The following SLIT2 variants were observed in gnomAD, a reference collection of about 807,000 sequenced individuals.
SLIT2 encodes slit guidance ligand 2.
SLIT2 carries 41 observed loss-of-function variants against 185.7 expected under a neutral mutation model. The ratio of observed to expected loss-of-function variants is 0.22; its 90% CI spans 0.17 to 0.29. SLIT2 has a LOEUF of 0.29. Among genes scored for constraint, SLIT2 ranks in the 10% least tolerant of loss-of-function variants. The pLI is 1.00. For missense variants in SLIT2, 1,571 were observed against 1,909.0 expected (o/e 0.82, Z 3.30); for synonymous variants, 693 against 680.2 (o/e 1.02, Z -0.29).
intron 16 of SLIT2, among the ~76,000 whole-genome samples, chr4:20,530,580 G>A (rs1322979273): frequency 6.6e-6 from 1 of 152,150 alleles, no homozygotes; most frequent in Non-Finnish European, 1.5e-5. Context: ...ACTGCCCCTG[G>A]CCTAGCACTT....
chr4:20,518,841 C>T (rs898498830), intron 11 of SLIT2, among the ~76,000 whole-genome samples: 3 of 149,856 alleles, frequency 2.0e-5, no homozygotes, highest in South Asian at 2.1e-4. Flanking sequence ...CTCCTGACCT[C>T]GTGATCCGCC....
At chr4:20,401,262 C>T (rs1308615318) in intron 4 of SLIT2, among the ~76,000 whole-genome samples, 3 of 151,866 alleles carry the variant, frequency 2.0e-5, no homozygotes, top group Admixed American at 2.0e-4. Flanking sequence ...GTTGTCTCTC[C>T]ATTCAGTTCT....
intron 4 of SLIT2, among the ~76,000 whole-genome samples, chr4:20,353,656 T>C (rs982364860): frequency 6.6e-6 from 1 of 152,164 alleles, no homozygotes; most frequent in African/African-American, 2.4e-5. Flanking sequence ...GGTAAATACA[T>C]TAGAGGCTTA....
At chr4:20,501,480 C>T (rs1718732852) in intron 9 of SLIT2, among the ~76,000 whole-genome samples, 1 of 151,992 alleles carries the variant, frequency 6.6e-6, no homozygotes, top group Non-Finnish European at 1.5e-5. Context: ...AGTGGGGTTT[C>T]ACCTTGTTGC....
chr4:20,345,024 C>T (rs572928386), intron 4 of SLIT2, among the ~76,000 whole-genome samples: 2 of 152,018 alleles, frequency 1.3e-5, no homozygotes, highest in Non-Finnish European at 2.9e-5. Flanking sequence ...ATTGGTCATA[C>T]CCACCATTAA....
chr4:20,617,370 T>C (rs1300389198), intron 35 of SLIT2, 69 bp from the exon 36 acceptor site: 6 of 1,482,336 alleles, frequency 4.0e-6, no homozygotes, highest in South Asian at 3.5e-5. Context: ...TCCATTCTTA[T>C]ATCACCTCCG....
intron 4 of SLIT2, among the ~76,000 whole-genome samples, chr4:20,278,115 G>A (rs1199896554): frequency 2.0e-5 from 3 of 151,904 alleles, no homozygotes; most frequent in Non-Finnish European, 4.4e-5. Context: ...CAGTTTACAT[G>A]CTGTTAAAGT....
At position 20,329,878 on chromosome 4, in the gene SLIT2, A is replaced by C. The variant is rs148728837; in HGVS notation, c.395+60997A>C. 1.4e-3 allele frequency among the ~76,000 whole-genome samples: 218 copies of C among 152,170 alleles called. 1 individual carries two copies. Among genetic ancestry groups the C allele is most frequent in the African/African-American group, 5.0e-3 (206 of 41,558 alleles). On this transcript the variant is annotated intron_variant, in intron 4 of 36. Transcript: ENST00000504154. The stretch of plus-strand genomic sequence containing the variant: ...TTGTATCTCAACCATCCTGAGAAGT[A>C]CCATGGGCTAGTTTTCTGAGGCCTT...
At chr4:20,255,679 G>A (rs1014537589) in intron 1 of SLIT2, among the ~76,000 whole-genome samples, 2 of 152,160 alleles carry the variant, frequency 1.3e-5, no homozygotes, top group African/African-American at 4.8e-5. Context: ...GGTGGGTGGG[G>A]GTGAGGGGGG....
chr4:20,408,473 C>G (rs1309754135), intron 4 of SLIT2, among the ~76,000 whole-genome samples: 1 of 152,094 alleles, frequency 6.6e-6, no homozygotes, highest in Non-Finnish European at 1.5e-5. Context: ...CTCTACTATG[C>G]CCAGATCTCA....
intron 11 of SLIT2, among the ~76,000 whole-genome samples, chr4:20,511,760 T>C (rs976864210): frequency 6.6e-6 from 1 of 151,430 alleles, no homozygotes; most frequent in African/African-American, 2.4e-5. Context: ...AAAGAAAATA[T>C]TTATTTTGGA....
chr4:20,406,336 A>T (rs1239939465), intron 4 of SLIT2, among the ~76,000 whole-genome samples: 1 of 144,210 alleles, frequency 6.9e-6, no homozygotes, highest in Non-Finnish European at 1.5e-5. Flanking sequence ...TTAAAAACTT[A>T]TCAACGATAC....
At chr4:20,517,094 C>T (rs1387814577) in intron 11 of SLIT2, among the ~76,000 whole-genome samples, 1 of 152,176 alleles carries the variant, frequency 6.6e-6, no homozygotes, top group Non-Finnish European at 1.5e-5. Context: ...CCCCTTGATA[C>T]TCATGCAGGT....
intron 6 of SLIT2, among the ~76,000 whole-genome samples, chr4:20,485,655 G>A (rs684278): frequency 0.77 from 116,742 of 152,068 alleles, 45,081 homozygotes; most frequent in East Asian, 0.95. Flanking sequence ...AGTACCAGAT[G>A]TAGATATAGC....
intron 4 of SLIT2, among the ~76,000 whole-genome samples, chr4:20,338,748 T>A (rs1454897988): frequency 6.6e-6 from 1 of 152,164 alleles, no homozygotes; most frequent in Non-Finnish European, 1.5e-5. Flanking sequence ...AATCTCTTCT[T>A]ATGAGAACAA....
chr4:20,511,420 C>CTTT (rs1040955182), intron 11 of SLIT2, among the ~76,000 whole-genome samples: 13 of 122,050 alleles, frequency 1.1e-4, no homozygotes, highest in Non-Finnish European at 1.4e-4. Flanking sequence ...TTTTTTATTT[C>CTTT]TTTTTTTTTT....
intron 4 of SLIT2, among the ~76,000 whole-genome samples, chr4:20,465,639 G>A (rs1714256675): frequency 1.3e-5 from 2 of 152,138 alleles, no homozygotes; most frequent in South Asian, 4.2e-4. Flanking sequence ...TCTATTATCA[G>A]GATTTAGCTA....
At chr4:20,521,803 T>TA (rs372645420) in intron 12 of SLIT2, among the ~76,000 whole-genome samples, 6 of 151,564 alleles carry the variant, frequency 4.0e-5, no homozygotes, top group East Asian at 1.9e-4. Context: ...GTAGCACCTT[T>TA]AAAAAAAAAT....
intron 4 of SLIT2, among the ~76,000 whole-genome samples, chr4:20,290,779 C>T (rs1177650846): frequency 6.8e-6 from 1 of 146,780 alleles, no homozygotes; most frequent in Non-Finnish European, 1.5e-5. Flanking sequence ...TCTGATTACA[C>T]TCATGATTTA....
Sources: gnomAD v4.1 joint callset for allele counts (sites outside exome capture counted in the v4.1 genomes callset) on GRCh38, gnomAD v4.1.1 for gene constraint, MANE v1.5 for transcripts, NCBI Gene and HGNC (gene_info 2026-07-23, HGNC 2026-07-21) for gene names.